ARSJ: variants seen among roughly 807,000 people sequenced by gnomAD.
ARSJ encodes the protein arylsulfatase J.
ARSJ carries 26 observed loss-of-function variants against 35.9 expected under a neutral mutation model. That is an observed-to-expected ratio of 0.72 (90% CI 0.53 to 1.00). The LOEUF is 1.00. Ranked by LOEUF, ARSJ falls within the 50% of genes least tolerant of loss-of-function variation. ARSJ has a pLI of 0.00. For missense variants in ARSJ, 667 were observed against 723.6 expected, an observed-to-expected ratio of 0.92 and a Z score of 0.90; for synonymous variants, 294 against 267.6, an observed-to-expected ratio of 1.10 and a Z score of -0.96.
intron 1 of ARSJ, among the ~76,000 whole-genome samples, chr4:113,921,921 G>C (rs971399036): frequency 6.6e-5 from 10 of 152,104 alleles, no homozygotes; most frequent in African/African-American, 1.9e-4. Flanking sequence ...AAATAGTTTA[G>C]TCTATTTGTA....
At chr4:113,918,457 A>G (rs1723457910) in intron 1 of ARSJ, among the ~76,000 whole-genome samples, 1 of 152,150 alleles carries the variant, frequency 6.6e-6, no homozygotes, top group African/African-American at 2.4e-5. Flanking sequence ...CTATTATGGT[A>G]AAAATCAATA....
At chr4:113,914,660 C>A (rs116467906) in intron 1 of ARSJ, among the ~76,000 whole-genome samples, 1 of 152,158 alleles carries the variant, frequency 6.6e-6, no homozygotes, top group African/African-American at 2.4e-5. Flanking sequence ...CATGTGACAA[C>A]AAACTGAAAT....
chr4:113,942,489 C>T (rs552713396), intron 1 of ARSJ, among the ~76,000 whole-genome samples: 2 of 152,114 alleles, frequency 1.3e-5, no homozygotes, highest in South Asian at 4.1e-4. Flanking sequence ...CAAACAATAT[C>T]ACTCCTAGGA....
At chr4:113,940,649 A>G (rs1159184352) in intron 1 of ARSJ, among the ~76,000 whole-genome samples, 2 of 151,928 alleles carry the variant, frequency 1.3e-5, no homozygotes, top group African/African-American at 2.4e-5. Context: ...GGAACTTAAA[A>G]AAAAAAAAAT....
intron 1 of ARSJ, among the ~76,000 whole-genome samples, chr4:113,909,377 G>T (rs920474007): frequency 1.3e-4 from 20 of 152,254 alleles, no homozygotes; most frequent in Non-Finnish European, 1.3e-4. Flanking sequence ...TTGTAAAAGG[G>T]ATTCCTGAAT....
At chr4:113,928,029 G>A (rs952560434) in intron 1 of ARSJ, among the ~76,000 whole-genome samples, 1 of 152,084 alleles carries the variant, frequency 6.6e-6, no homozygotes, top group Non-Finnish European at 1.5e-5. Flanking sequence ...CTGGCGCTGG[G>A]GAAATGACCA....
At chr4:113,974,997 T>G (rs947711875) in intron 1 of ARSJ, among the ~76,000 whole-genome samples, 1 of 152,230 alleles carries the variant, frequency 6.6e-6, no homozygotes, top group East Asian at 1.9e-4. Flanking sequence ...ATAGTGAGTA[T>G]GTACAGGCAA....
chr4:113,972,868 G>A (rs1727362033), intron 1 of ARSJ, among the ~76,000 whole-genome samples: 1 of 152,146 alleles, frequency 6.6e-6, no homozygotes, highest in Non-Finnish European at 1.5e-5. Context: ...ACAGAGCCTG[G>A]AGCAGGTATG....
At chr4:113,976,668 A>C (rs1439691477) in intron 1 of ARSJ, among the ~76,000 whole-genome samples, 2 of 152,240 alleles carry the variant, frequency 1.3e-5, no homozygotes, top group Non-Finnish European at 2.9e-5. Flanking sequence ...TGTTTAATTC[A>C]AATAGAAATT....
At chr4:113,975,285 T>G (rs925047166) in intron 1 of ARSJ, among the ~76,000 whole-genome samples, 6 of 152,114 alleles carry the variant, frequency 3.9e-5, no homozygotes, top group African/African-American at 1.4e-4. Context: ...GTGGGATAAA[T>G]GAGTAACAAA....
intron 1 of ARSJ, among the ~76,000 whole-genome samples, chr4:113,975,434 C>T (rs912646839): frequency 1.1e-4 from 16 of 152,092 alleles, no homozygotes; most frequent in Admixed American, 5.9e-4. Flanking sequence ...ACTATATTCT[C>T]TTTTAAGAAA....
intron 1 of ARSJ, among the ~76,000 whole-genome samples, chr4:113,946,742 C>T (rs531949268): frequency 0.012 from 1,718 of 145,988 alleles, 36 homozygotes; most frequent in African/African-American, 0.04. Context: ...TTTTCACACA[C>T]GTTATTATAG....
At chr4:113,938,724 GA>G (rs920426043) in intron 1 of ARSJ, among the ~76,000 whole-genome samples, 3 of 149,052 alleles carry the variant, frequency 2.0e-5, no homozygotes, top group South Asian at 2.1e-4. Context: ...AAATTTACAA[GA>G]AAAAAAAACT....
intron 1 of ARSJ, among the ~76,000 whole-genome samples, chr4:113,941,260 A>G (rs1224791519): frequency 6.6e-6 from 1 of 152,084 alleles, no homozygotes; most frequent in Non-Finnish European, 1.5e-5. Flanking sequence ...AAAACAAAAC[A>G]AACACTTTGC....
chr4:113,949,210 A>C (rs1725700021), intron 1 of ARSJ, among the ~76,000 whole-genome samples: 2 of 152,010 alleles, frequency 1.3e-5, no homozygotes, highest in African/African-American at 4.8e-5. Flanking sequence ...TAGGGGAGGG[A>C]TAGCATTAGG....
intron 1 of ARSJ, among the ~76,000 whole-genome samples, chr4:113,937,779 C>T (rs448392): frequency 5.9e-5 from 9 of 151,934 alleles, no homozygotes; most frequent in South Asian, 2.1e-4. Flanking sequence ...TGAATGAACT[C>T]CCATTCACAA....
At chr4:113,949,718 C>T (rs1473123555) in intron 1 of ARSJ, among the ~76,000 whole-genome samples, 2 of 152,078 alleles carry the variant, frequency 1.3e-5, no homozygotes, top group African/African-American at 2.4e-5. Flanking sequence ...TCCCTATTTG[C>T]TCCTCATTGC....
chr4:113,965,928 G>C (rs1409629415), intron 1 of ARSJ, among the ~76,000 whole-genome samples: 1 of 151,860 alleles, frequency 6.6e-6, no homozygotes, highest in Non-Finnish European at 1.5e-5. Context: ...GCAAGAACCT[G>C]GTGTGTTCAA....
intron 1 of ARSJ, among the ~76,000 whole-genome samples, chr4:113,971,746 A>C (rs1273198717): frequency 6.6e-6 from 1 of 152,240 alleles, no homozygotes; most frequent in Admixed American, 6.5e-5. Flanking sequence ...ATATGAAAGT[A>C]ATGACTGAAC....
Sources: gnomAD v4.1 joint callset for allele counts (sites outside exome capture counted in the v4.1 genomes callset) on GRCh38, gnomAD v4.1.1 for gene constraint, MANE v1.5 for transcripts, NCBI Gene and HGNC (gene_info 2026-07-23, HGNC 2026-07-21) for gene names.